The following PDE7B variants were observed in gnomAD, a reference collection of about 807,000 sequenced individuals.
PDE7B encodes the protein 3',5'-cyclic-AMP phosphodiesterase 7B.
In PDE7B, 29 loss-of-function variants were observed where a neutral mutation model predicts 56.2. The ratio of observed to expected loss-of-function variants is 0.52; its 90% CI spans 0.38 to 0.70. PDE7B has a LOEUF of 0.70. PDE7B is among the 30% of genes least tolerant of loss of function. The pLI, the probability that PDE7B is intolerant of heterozygous loss-of-function variation, is 0.00. For missense variants in PDE7B, 490 were observed against 565.0 expected, an observed-to-expected ratio of 0.87 and a Z score of 1.35; for synonymous variants, 197 against 196.9, an observed-to-expected ratio of 1.00 and a Z score of 0.00.
At chr6:136,107,308 A>T (rs1777662391) in intron 2 of PDE7B, among the ~76,000 whole-genome samples, 1 of 152,192 alleles carries the variant, frequency 6.6e-6, no homozygotes, top group Non-Finnish European at 1.5e-5. Context: ...GAGTGTACCC[A>T]TTACTACTGG....
At chr6:135,867,169 T>C (rs1049331998) in intron 1 of PDE7B, among the ~76,000 whole-genome samples, 1 of 152,158 alleles carries the variant, frequency 6.6e-6, no homozygotes, top group Non-Finnish European at 1.5e-5. Flanking sequence ...TATATGTGTG[T>C]AGAAGAGAAA....
intron 1 of PDE7B, among the ~76,000 whole-genome samples, chr6:135,885,513 T>G (rs1775691569): frequency 6.6e-6 from 1 of 152,198 alleles, no homozygotes. Context: ...TAAACAGTTC[T>G]CTTTAAATCT....
chr6:136,116,340 A>G (rs1336942726), intron 3 of PDE7B, among the ~76,000 whole-genome samples: 1 of 152,224 alleles, frequency 6.6e-6, no homozygotes, highest in Non-Finnish European at 1.5e-5. Flanking sequence ...AAAGAATTCA[A>G]ACTTGTCTCA....
chr6:136,166,805 C>T (rs1039164024), intron 8 of PDE7B, among the ~76,000 whole-genome samples: 2 of 152,178 alleles, frequency 1.3e-5, no homozygotes, highest in Admixed American at 1.3e-4. Context: ...CTACCAAAGT[C>T]TGTTGTCAAC....
chr6:135,967,728 T>C (rs1775020326), intron 2 of PDE7B, among the ~76,000 whole-genome samples: 1 of 152,242 alleles, frequency 6.6e-6, no homozygotes, highest in Admixed American at 6.5e-5. Flanking sequence ...GTTTGGCTTA[T>C]CTGCTTTCTC....
At chr6:136,002,944 C>G (rs1288817760) in intron 2 of PDE7B, among the ~76,000 whole-genome samples, 5 of 151,790 alleles carry the variant, frequency 3.3e-5, no homozygotes, top group South Asian at 4.2e-4. Context: ...TGACCACATA[C>G]TTGGAAGTAA....
chr6:135,867,325 TGA>T (rs750558871), intron 1 of PDE7B, among the ~76,000 whole-genome samples: 17 of 152,320 alleles, frequency 1.1e-4, no homozygotes, highest in East Asian at 1.9e-4. Flanking sequence ...TTAAAATTTT[TGA>T]GAGAGTCAAT....
chr6:136,154,419 A>C (rs909356788), intron 7 of PDE7B, among the ~76,000 whole-genome samples: 1 of 56,262 alleles, frequency 1.8e-5, no homozygotes, highest in Non-Finnish European at 3.9e-5. Flanking sequence ...ATTTGGACAA[A>C]AAAAAAAAAA....
intron 1 of PDE7B, among the ~76,000 whole-genome samples, chr6:135,861,004 A>G (rs1775134949): frequency 6.6e-6 from 1 of 151,942 alleles, no homozygotes; most frequent in Non-Finnish European, 1.5e-5. Flanking sequence ...TGCCTCTTCC[A>G]TTCTTTCATG....
At chr6:136,104,923 G>T (rs944581167) in intron 2 of PDE7B, among the ~76,000 whole-genome samples, 6 of 152,132 alleles carry the variant, frequency 3.9e-5, no homozygotes, top group Admixed American at 6.5e-5. Context: ...TCCAGGTATG[G>T]TTTCCTTATT....
At position 136,192,209 on chromosome 6, in the gene PDE7B, T is replaced by C; in HGVS notation, c.*369T>C. ...TTCCTAAGTCCGGAGCGTTTGAGCG[T>C]TTGCTATCTGACTGCTGATCTGCGT... On this transcript the variant is annotated 3_prime_UTR_variant, in exon 13 of 13. Transcript: ENST00000308191. 4.0e-6 allele frequency: 1 copy of C among 248,348 alleles called. No homozygotes were observed. Among genetic ancestry groups the C allele is most frequent in the African/African-American group, 2.2e-5 (1 of 44,836 alleles). The allele number at this position is 248,348 out of a possible 1,614,324, so 15.4% of individuals were successfully genotyped here. A position where few individuals can be genotyped will look rare whatever the true frequency, so the allele number is the denominator to read the frequency against.
intron 2 of PDE7B, chr6:136,071,294 A>G (rs1562485798): frequency 6.6e-6 from 1 of 152,218 alleles, no homozygotes; most frequent in African/African-American, 2.4e-5. Context: ...CAGTTTAACA[A>G]CCTAATAAAT....
chr6:135,917,604 GT>G (rs767072451), intron 1 of PDE7B, among the ~76,000 whole-genome samples: 4,099 of 144,510 alleles, frequency 0.028, 62 homozygotes, highest in Middle Eastern at 0.049. Context: ...ATTTGTTGTT[GT>G]TTTTTTTTTA....
At chr6:136,049,725 T>C (rs1302312741) in intron 2 of PDE7B, among the ~76,000 whole-genome samples, 2 of 152,122 alleles carry the variant, frequency 1.3e-5, no homozygotes, top group Admixed American at 6.6e-5. Flanking sequence ...CAGGAAATGA[T>C]TGAGAATGGA....
At chr6:135,963,189 G>C (rs1774938150) in intron 2 of PDE7B, among the ~76,000 whole-genome samples, 1 of 152,166 alleles carries the variant, frequency 6.6e-6, no homozygotes, top group South Asian at 2.1e-4. Flanking sequence ...CTGCCTCAGA[G>C]ACATCCTCAA....
intron 5 of PDE7B, among the ~76,000 whole-genome samples, chr6:136,150,254 G>T (rs771904565): frequency 6.6e-6 from 1 of 152,096 alleles, no homozygotes; most frequent in Non-Finnish European, 1.5e-5. Flanking sequence ...ATAAGTAGCC[G>T]CAAAATCGAC....
chr6:136,063,937 C>T (rs1479518746), intron 2 of PDE7B, among the ~76,000 whole-genome samples: 3 of 152,230 alleles, frequency 2.0e-5, no homozygotes, highest in Admixed American at 6.5e-5. Context: ...AATAAATTCC[C>T]CTCCAACACC....
intron 2 of PDE7B, among the ~76,000 whole-genome samples, chr6:135,994,153 TG>T (rs1775523161): frequency 1.4e-5 from 2 of 143,100 alleles, no homozygotes; most frequent in African/African-American, 5.6e-5. Context: ...TGTGTGTGTG[TG>T]TGTGTGTGTG....
chr6:136,066,936 G>C (rs981868672), intron 2 of PDE7B, among the ~76,000 whole-genome samples: 3 of 150,978 alleles, frequency 2.0e-5, no homozygotes, highest in Non-Finnish European at 4.4e-5. Flanking sequence ...GCTCACTGCA[G>C]CCTAGAACTC....
Sources: allele counts gnomAD v4.1 joint callset (sites outside exome capture counted in the v4.1 genomes callset), GRCh38; gene constraint gnomAD v4.1.1; transcripts MANE v1.5; gene names NCBI Gene and HGNC (gene_info 2026-07-23, HGNC 2026-07-21).